The following THBS4 variants were observed in gnomAD, a reference collection of about 807,000 sequenced individuals.
The protein encoded by THBS4 is thrombospondin-4.
In THBS4, 90 loss-of-function variants were observed where a neutral mutation model predicts 115.7. The observed-to-expected ratio is 0.78, with a 90% CI of 0.66 to 0.93. THBS4 has a LOEUF of 0.93. Ranked by LOEUF, THBS4 falls within the 40% of genes least tolerant of loss-of-function variation. THBS4 has a pLI of 0.00. For synonymous variants in THBS4, 460 were observed against 479.3 expected, an observed-to-expected ratio of 0.96 and a Z score of 0.53; for missense variants, 1,087 against 1,232.7, an observed-to-expected ratio of 0.88 and a Z score of 1.77.
chr5:80,078,357 C>T (rs1410471472), intron 17 of THBS4, 130 bp downstream of exon 17: 2 of 733,548 alleles, frequency 2.7e-6, no homozygotes, highest in Non-Finnish European at 4.1e-6. Flanking sequence ...TATTCCTCAA[C>T]AGCCCTATGA....
intron 2 of THBS4, among the ~76,000 whole-genome samples, chr5:80,009,328 C>T (rs1832076946): frequency 6.6e-6 from 1 of 152,186 alleles, no homozygotes; most frequent in Admixed American, 6.5e-5. Flanking sequence ...AATAGGAAAA[C>T]TGTTTACTGT....
chr5:80,066,811 G>C (rs1424047571), intron 9 of THBS4: 1 of 152,090 alleles, frequency 6.6e-6, no homozygotes, highest in African/African-American at 2.4e-5. Context: ...GCCACCTAGA[G>C]AGAAGGAAAG....
intron 17 of THBS4, 70 bp from the exon 18 acceptor site, chr5:80,078,851 G>A (rs1440514756): frequency 2.8e-5 from 42 of 1,504,722 alleles, no homozygotes; most frequent in Non-Finnish European, 3.5e-5. Context: ...TGGTGCCTGA[G>A]GTTTTGAGCT....
intron 10 of THBS4, 81 bp downstream of exon 10, chr5:80,068,206 G>C: frequency 6.6e-7 from 1 of 1,522,098 alleles, no homozygotes; most frequent in Non-Finnish European, 9.0e-7. Flanking sequence ...ATGTGCTTCA[G>C]GGTAAAAGTA....
chr5:79,994,167 CAT>C (rs1438856000), intron 1 of THBS4, among the ~76,000 whole-genome samples: 7 of 152,218 alleles, frequency 4.6e-5, no homozygotes, highest in African/African-American at 1.7e-4. Context: ...AAGTATCTAA[CAT>C]AACTTGCTTT....
At position 80,035,536 on chromosome 5, in the gene THBS4, AC is replaced by A; in HGVS notation, c.-1del. The stretch of plus-strand genomic sequence containing the variant: ...GCCTCGCGGGGAGCAGGAAGAGCCA[AC>A]ATGCTGGCCCCGCGCGGAGCCGCCG... On this transcript the variant is annotated 5_prime_UTR_variant, in exon 1 of 22. Coordinates refer to ENST00000350881, the MANE Select transcript of THBS4 (RefSeq NM_003248.6). This position sits in a 1 kb window ranked among gnomAD's most constrained non-coding sequence, Gnocchi z 4.6. 1 of 1,384,838 alleles carries A rather than the reference AC, an allele frequency of 7.2e-7. No individual in the cohort carries two copies. The highest frequency in any genetic ancestry group is 3.0e-5 in the East Asian group (1 of 33,664). 85.8% of individuals were successfully genotyped at this position (1,384,838 alleles called of 1,614,324 possible). A position where few individuals can be genotyped will look rare whatever the true frequency, so the allele number is the denominator to read the frequency against.
At chr5:80,045,741 G>A (rs1833045483) in intron 2 of THBS4, among the ~76,000 whole-genome samples, 1 of 152,056 alleles carries the variant, frequency 6.6e-6, no homozygotes, top group South Asian at 2.1e-4. Flanking sequence ...ATGTTGGTCA[G>A]GCTGATCTCA....
chr5:80,042,393 C>T (rs976403825), intron 2 of THBS4, among the ~76,000 whole-genome samples: 2 of 152,244 alleles, frequency 1.3e-5, no homozygotes, highest in Admixed American at 6.5e-5. Context: ...ATTTTTCTTT[C>T]GGTTCATCCA....
At chr5:80,054,355 C>G (rs1416430544) in intron 2 of THBS4, among the ~76,000 whole-genome samples, 1 of 144,474 alleles carries the variant, frequency 6.9e-6, no homozygotes, top group African/African-American at 2.6e-5. Flanking sequence ...GAGTCTTGCT[C>G]TGTCACCCAG....
chr5:80,070,206 T>A (rs542614072), intron 10 of THBS4, 100 bp from the exon 11 acceptor site: 5 of 954,550 alleles, frequency 5.2e-6, no homozygotes, highest in Non-Finnish European at 7.9e-6. Context: ...CTCTGGGCCC[T>A]CCCCCTGGGA....
At chr5:80,038,238 A>T (rs992851664) in intron 1 of THBS4, among the ~76,000 whole-genome samples, 3 of 152,148 alleles carry the variant, frequency 2.0e-5, no homozygotes, top group Non-Finnish European at 4.4e-5. Context: ...ATTAACATTA[A>T]CATGTTGTTG....
intron 2 of THBS4, among the ~76,000 whole-genome samples, chr5:80,009,143 A>G (rs1407467508): frequency 6.6e-6 from 1 of 152,204 alleles, no homozygotes; most frequent in East Asian, 1.9e-4. Flanking sequence ...CAGGTTCCCA[A>G]TATAGACTTC....
At chr5:80,062,781 G>A (rs536167716) in intron 8 of THBS4, among the ~76,000 whole-genome samples, 2 of 152,264 alleles carry the variant, frequency 1.3e-5, no homozygotes, top group African/African-American at 4.8e-5. Context: ...GAGAACATGC[G>A]GTGTTTGGTT....
In THBS4 at chr5:80,035,453, G is replaced by A. The variant is rs1832682465; in HGVS notation, c.-85G>A. 2 of 994,984 alleles carry A rather than the reference G, an allele frequency of 2.0e-6. No individual in the cohort carries two copies. Among genetic ancestry groups the A allele is most frequent in the Non-Finnish European group, 2.6e-6 (2 of 775,168 alleles). 61.6% of individuals were successfully genotyped at this position (994,984 alleles called of 1,614,324 possible). ...TGCGGCGCCGGCCCGGGCGCCGACC[G>A]AGGTTCAACGCACGGCCCGGGGACC... On this transcript the variant is annotated 5_prime_UTR_variant, in exon 1 of 22. Transcript: ENST00000350881. This position sits in a 1 kb window ranked among gnomAD's most constrained non-coding sequence, Gnocchi z 4.6.
Position 80,083,128 on chromosome 5 carries a change from G to T in THBS4, c.2873G>T (p.Arg958Leu), listed in dbSNP as rs1364194415. ...GAGTTTCAAACCCAGAATTTCGACCGCTTCGATAATTAAACCAAGGAAGCA... is the reference window on the plus strand; with the variant it reads ...GAGTTTCAAACCCAGAATTTCGACCTCTTCGATAATTAAACCAAGGAAGCA... ...FQEFQTQNFD[R>L]FDN Residue 958 changes from arginine (R) to leucine (L), a missense_variant, in exon 22 of 22, where the codon CGC (arginine) becomes CTC (leucine). Physicochemically the swap from Arg to Leu is moderately radical, Grantham distance 102 (BLOSUM62 -2). Transcript: ENST00000350881. The T allele has an allele frequency of 1.2e-6, 2 of 1,613,554 alleles. No homozygotes were observed. Among genetic ancestry groups the T allele is most frequent in the Admixed American group, 1.7e-5 (1 of 60,016 alleles).
intron 19 of THBS4, 50 bp downstream of exon 19, chr5:80,079,308 C>T (rs763267545): frequency 3.3e-6 from 5 of 1,515,944 alleles, no homozygotes; most frequent in Non-Finnish European, 3.5e-6. Context: ...GACCTCTCAT[C>T]TTTTTTCAGA....
At chr5:80,057,114 A>C (rs184913430) in intron 3 of THBS4, among the ~76,000 whole-genome samples, 78 of 152,348 alleles carry the variant, frequency 5.1e-4, no homozygotes, top group African/African-American at 1.8e-3. Flanking sequence ...CATATGGAAA[A>C]AAATTAATAG....
rs556086625 is a variant in THBS4, at chr5:80,073,336, T to G, written c.1892+9T>G. 1 of 1,613,684 alleles carries G rather than the reference T, an allele frequency of 6.2e-7. No individual in the cohort carries two copies. The highest frequency in any genetic ancestry group is 1.7e-4 in the Middle Eastern group (1 of 6,058). On this transcript the variant is annotated intron_variant, in intron 15 of 21. Coordinates refer to ENST00000350881, the MANE Select transcript of THBS4 (RefSeq NM_003248.6). ...GACACCAATCAGGACAGGTATGGCA[T>G]GTCTCCCAACTGCAGAGAGACAGAT... is the stretch of plus-strand genomic sequence containing the variant.
At chr5:80,063,679 A>G (rs1447559037) in intron 8 of THBS4, among the ~76,000 whole-genome samples, 2 of 152,232 alleles carry the variant, frequency 1.3e-5, no homozygotes, top group African/African-American at 2.4e-5. Context: ...AGCTGTTAAG[A>G]GTCCTCTAAA....
Sources: gnomAD v4.1 joint callset for allele counts (sites outside exome capture counted in the v4.1 genomes callset) on GRCh38, gnomAD v4.1.1 for gene constraint, Gnocchi (gnomAD v3.1) non-coding constraint, MANE v1.5 for transcripts, NCBI Gene and HGNC (gene_info 2026-07-23, HGNC 2026-07-21) for gene names.